DCLK3: variants seen among roughly 807,000 people sequenced by gnomAD.
The protein encoded by DCLK3 is serine/threonine-protein kinase DCLK3.
In DCLK3, 30 loss-of-function variants were observed where a neutral mutation model predicts 46.4. The observed-to-expected ratio is 0.65, with a 90% CI of 0.48 to 0.88. The LOEUF is 0.88. Ranked by LOEUF, DCLK3 falls within the 40% of genes least tolerant of loss-of-function variation. The pLI, the probability that DCLK3 is intolerant of heterozygous loss-of-function variation, is 0.00. For missense variants in DCLK3, 846 were observed against 907.1 expected (o/e 0.93, Z 0.87); for synonymous variants, 401 against 339.2 (o/e 1.18, Z -2.00).
intron 2 of DCLK3, among the ~76,000 whole-genome samples, chr3:36,730,485 A>C (rs188946038): frequency 6.6e-6 from 1 of 152,246 alleles, no homozygotes; most frequent in Non-Finnish European, 1.5e-5. Flanking sequence ...TCTTTTTCTT[A>C]TGAAGCCTCC....
chr3:36,721,310 C>A (rs1485122729), intron 3 of DCLK3, among the ~76,000 whole-genome samples: 1 of 152,146 alleles, frequency 6.6e-6, no homozygotes, highest in African/African-American at 2.4e-5. Flanking sequence ...CACATGCACA[C>A]ACACTGATCC....
chr3:36,750,327 C>A (rs1353517482), intron 1 of DCLK3, among the ~76,000 whole-genome samples: 2 of 152,196 alleles, frequency 1.3e-5, no homozygotes, highest in Non-Finnish European at 2.9e-5. Context: ...AGTGATCCAC[C>A]CACCTGGGCC....
chr3:36,735,057 A>G (rs187217723), intron 2 of DCLK3, among the ~76,000 whole-genome samples: 31 of 152,316 alleles, frequency 2.0e-4, no homozygotes, highest in Admixed American at 7.2e-4. Context: ...CTCATTCCAC[A>G]TAGCTGAGAA....
intron 1 of DCLK3, among the ~76,000 whole-genome samples, chr3:36,744,100 A>G (rs184695943): frequency 8.9e-4 from 136 of 152,276 alleles, no homozygotes; most frequent in African/African-American, 3.2e-3. Context: ...TCTCCCTCTC[A>G]ACTAAACTGT....
At chr3:36,749,260 G>C (rs1701418725) in intron 1 of DCLK3, among the ~76,000 whole-genome samples, 1 of 152,224 alleles carries the variant, frequency 6.6e-6, no homozygotes, top group Admixed American at 6.5e-5. Flanking sequence ...TCATTTGGAA[G>C]GGGAGCCTTC....
rs1171409898 is a variant in DCLK3, at chr3:36,712,747, T to C, written c.*2581A>G. 1.3e-5 allele frequency: 2 copies of C among 152,254 alleles called. No individual in the cohort carries two copies. Among genetic ancestry groups the C allele is most frequent in the Non-Finnish European group, 2.9e-5 (2 of 68,048 alleles). The allele number at this position is 152,254 out of a possible 1,614,324, so 9.4% of individuals were successfully genotyped here. On this transcript the variant is annotated 3_prime_UTR_variant, in exon 5 of 5. Coordinates refer to ENST00000636136, the MANE Select transcript of DCLK3 (RefSeq NM_001394672.2). ...TTCATTCAGCCTAATTCTTTGGCAG[T>C]CCATCCATGTTGTTCGTGTATGAAT... is the stretch of plus-strand genomic sequence containing the variant.
chr3:36,747,301 G>T (rs764939999), intron 1 of DCLK3, among the ~76,000 whole-genome samples: 1 of 152,022 alleles, frequency 6.6e-6, no homozygotes, highest in East Asian at 1.9e-4. Context: ...GCATATAAGG[G>T]CCTCACAGAA....
intron 1 of DCLK3, among the ~76,000 whole-genome samples, chr3:36,758,992 A>G (rs1701512902): frequency 6.6e-6 from 1 of 152,232 alleles, no homozygotes; most frequent in Non-Finnish European, 1.5e-5. Flanking sequence ...AGCTGTGTTG[A>G]TATTTTATTT....
intron 2 of DCLK3, among the ~76,000 whole-genome samples, chr3:36,730,417 A>G (rs1173358405): frequency 1.3e-5 from 2 of 152,328 alleles, no homozygotes; most frequent in South Asian, 2.1e-4. Context: ...CACACTTACC[A>G]TCTGCCAGGC....
Position 36,737,313 on chromosome 3 carries a change from G to A in DCLK3, c.1854C>T (p.Phe618=), listed in dbSNP as rs1331080220. The A allele has an allele frequency of 1.2e-6, 2 of 1,614,008 alleles. No individual in the cohort carries two copies. Among genetic ancestry groups the A allele is most frequent in the African/African-American group, 2.7e-5 (2 of 74,910 alleles). The change falls in exon 2 of 5, where the codon TTC becomes TTT. Residue 618 remains phenylalanine (F), a synonymous_variant. Coordinates refer to ENST00000636136, the MANE Select transcript of DCLK3 (RefSeq NM_001394672.2). This position sits in a 1 kb window ranked among gnomAD's most constrained non-coding sequence, Gnocchi z 4.4. ...TCATGAGGGCAGCATCGGGCTCCGG[G>A]AACTTCACACTTTCTATGATGGCGT... ...LFDAIIESVK[F]PEPDAALMIM... is the part of the protein sequence containing the mutation.
chr3:36,738,968 C>T lies in DCLK3; in HGVS notation c.199G>A (p.Gly67Arg). 1.0e-5 allele frequency: 4 copies of T among 399,834 alleles called. No homozygotes were observed. The East Asian group carries it at 1.4e-4, about 14-fold the overall frequency. The allele number at this position is 399,834 out of a possible 1,614,324, so 24.8% of individuals were successfully genotyped here. Residue 67 changes from glycine (G) to arginine (R), a missense_variant, in exon 2 of 5, where the codon GGG becomes AGG. Around this residue, in one of 3 missense-constraint regions of DCLK3, gnomAD observed 553 missense variants for 543.0 expected, o/e 1.02. Transcript: ENST00000636136. ...SRGNLEKPFL[G>R]PRGPVVPLFC... is the part of the protein sequence containing the mutation. ...AAGGGCACGACGGGGCCACGCGGCCCCAGGAATGGTTTCTCCAGATTCCCT... is the reference window on the plus strand; with the variant it reads ...AAGGGCACGACGGGGCCACGCGGCCTCAGGAATGGTTTCTCCAGATTCCCT...
chr3:36,730,597 T>C (rs1444944435), intron 2 of DCLK3, among the ~76,000 whole-genome samples: 1 of 152,170 alleles, frequency 6.6e-6, no homozygotes, highest in Admixed American at 6.5e-5. Flanking sequence ...TCTAGTACAG[T>C]ATCCACTAAG....
At chr3:36,745,017 A>G (rs974736702) in intron 1 of DCLK3, among the ~76,000 whole-genome samples, 2 of 152,202 alleles carry the variant, frequency 1.3e-5, no homozygotes, top group Non-Finnish European at 2.9e-5. Context: ...ATTCAGATAA[A>G]GTAACATAAC....
intron 1 of DCLK3, among the ~76,000 whole-genome samples, chr3:36,754,928 CA>C (rs138259500): frequency 2.0e-5 from 3 of 151,320 alleles, no homozygotes; most frequent in Admixed American, 1.3e-4. Flanking sequence ...AGCTATAAGG[CA>C]AAAAAAATCA....
chr3:36,715,454 A>C lies in DCLK3; in HGVS notation c.2328T>G (p.Val776=). ...DPKKRYTAHQ[V]LQHPWIETAG... Reference sequence around the variant, plus strand: ...CTGTTTCGATCCAGGGGTGCTGAAGAACCTGATGAGCTGTGTAGCGCTTTT... The same window carrying C: ...CTGTTTCGATCCAGGGGTGCTGAAGCACCTGATGAGCTGTGTAGCGCTTTT... The change falls in exon 5 of 5, where the codon GTT becomes GTG. Residue 776 remains valine (V), a synonymous_variant. Transcript: ENST00000636136. 1 of 1,611,500 alleles carries C rather than the reference A, an allele frequency of 6.2e-7. No homozygotes were observed. Among genetic ancestry groups the C allele is most frequent in the East Asian group, 2.2e-5 (1 of 44,778 alleles).
Position 36,737,583 on chromosome 3 carries a change from G to A in DCLK3, c.1584C>T (p.Gly528=). 6 of 1,614,112 alleles carry A rather than the reference G, an allele frequency of 3.7e-6. No homozygotes were observed. Among genetic ancestry groups the A allele is most frequent in the Non-Finnish European group, 5.1e-6 (6 of 1,180,012 alleles). ...AANVEKHYET[G]RVIGDGNFAV... ...CAAAGTTCCCATCCCCAATGACCCG[G>A]CCAGTCTCATAATGCTTTTCCACAT... The change falls in exon 2 of 5, where the codon GGC becomes GGT. Residue 528 remains glycine (G), a synonymous_variant. Coordinates refer to ENST00000636136, the MANE Select transcript of DCLK3 (RefSeq NM_001394672.2). The surrounding 1 kb of genome is among the most constrained non-coding windows in gnomAD (Gnocchi z 4.4).
intron 2 of DCLK3, among the ~76,000 whole-genome samples, chr3:36,731,609 G>A (rs1003426933): frequency 6.6e-6 from 1 of 152,092 alleles, no homozygotes; most frequent in South Asian, 2.1e-4. Flanking sequence ...ATGGGGCCAC[G>A]ACTGATCCAG....
intron 1 of DCLK3, among the ~76,000 whole-genome samples, chr3:36,748,066 T>A (rs551153526): frequency 6.6e-6 from 1 of 152,326 alleles, no homozygotes; most frequent in South Asian, 2.1e-4. Context: ...CCTTAAAGTA[T>A]GGCAGCATGA....
chr3:36,738,041 G>C lies in DCLK3; in HGVS notation c.1126C>G (p.Pro376Ala). 2 of 1,613,924 alleles carry C rather than the reference G, an allele frequency of 1.2e-6. No individual in the cohort carries two copies. Among genetic ancestry groups the C allele is most frequent in the Non-Finnish European group, 1.7e-6 (2 of 1,179,944 alleles). ...CTCAGCTCTTGAGTGGGATTCCTGG[G>C]GCTGCTCCTGTGGCTGTCACCCTTC... ...GWKGDSHRSS[P>A]RNPTQELRRP... The change falls in exon 2 of 5, where the codon CCC (proline) becomes GCC (alanine). Residue 376 changes from proline (P) to alanine (A), a missense_variant. Pro to Ala is a conservative substitution (Grantham distance 27). Around this residue, in one of 3 missense-constraint regions of DCLK3, gnomAD observed 553 missense variants for 543.0 expected, o/e 1.02. Coordinates refer to ENST00000636136, the MANE Select transcript of DCLK3 (RefSeq NM_001394672.2).
Sources: allele counts gnomAD v4.1 joint callset (sites outside exome capture counted in the v4.1 genomes callset), GRCh38; gene constraint gnomAD v4.1.1; regional missense constraint gnomAD v4.1.1; non-coding constraint Gnocchi (gnomAD v3.1); transcripts MANE v1.5; gene names NCBI Gene and HGNC (gene_info 2026-07-23, HGNC 2026-07-21).